BICRA: variants seen among roughly 807,000 people sequenced by gnomAD.
BICRA encodes the protein BRD4 interacting chromatin remodeling complex associated protein, also known as BRD4-interacting chromatin-remodeling complex-associated protein.
In BICRA, 31 loss-of-function variants were observed where a neutral mutation model predicts 96.9. The ratio of observed to expected loss-of-function variants is 0.32; its 90% CI spans 0.24 to 0.43. BICRA has a LOEUF of 0.43. Ranked by LOEUF, BICRA falls within the 20% of genes least tolerant of loss-of-function variation. BICRA has a pLI of 1.00. For missense variants in BICRA, 2,283 were observed against 2,190.3 expected, an observed-to-expected ratio of 1.04 and a Z score of -0.84; for synonymous variants, 1,350 against 1,071.8, an observed-to-expected ratio of 1.26 and a Z score of -5.07.
intron 1 of BICRA, among the ~76,000 whole-genome samples, chr19:47,648,787 C>A (rs1447955688): frequency 6.6e-6 from 1 of 151,380 alleles, no homozygotes; most frequent in African/African-American, 2.4e-5. Context: ...CAAGTGAGCC[C>A]TGGGCTCTCC....
At chr19:47,682,375 G>A (rs971296391) in intron 7 of BICRA, among the ~76,000 whole-genome samples, 1 of 152,210 alleles carries the variant, frequency 6.6e-6, no homozygotes, top group Admixed American at 6.5e-5. Flanking sequence ...AGACACACAC[G>A]GAAGGAAATC....
chr19:47,698,496 A>C lies in BICRA; in HGVS notation c.3249-138A>C. 1 of 636,404 alleles carries C rather than the reference A, an allele frequency of 1.6e-6. No homozygotes were observed. Among genetic ancestry groups the C allele is most frequent in the Non-Finnish European group, 2.8e-6 (1 of 351,938 alleles). 39.4% of individuals were successfully genotyped at this position (636,404 alleles called of 1,614,324 possible). On this transcript the variant is annotated intron_variant, in intron 11 of 14. Transcript: ENST00000594866. This position sits in a 1 kb window ranked among gnomAD's most constrained non-coding sequence, Gnocchi z 4.8. ...GAACAAGCACGTTCAGTACATGGGA[A>C]CACCACTGCCCAAGTATTCCCCTTC...
chr19:47,648,060 G>A (rs555290738), intron 1 of BICRA, among the ~76,000 whole-genome samples: 4 of 151,984 alleles, frequency 2.6e-5, no homozygotes, highest in Non-Finnish European at 5.9e-5. Flanking sequence ...ATCAGTCTTT[G>A]TGGAGCGTCT....
chr19:47,684,519 C>T (rs1309098593), intron 7 of BICRA, among the ~76,000 whole-genome samples: 1 of 152,140 alleles, frequency 6.6e-6, no homozygotes. Flanking sequence ...GGGGTTTCGC[C>T]ATGTTGGCCA....
chr19:47,651,580 A>G (rs1163438022), intron 1 of BICRA, among the ~76,000 whole-genome samples: 1 of 151,568 alleles, frequency 6.6e-6, no homozygotes, highest in African/African-American at 2.4e-5. Flanking sequence ...TGACTTCCTC[A>G]CTCCCAGCAC....
In BICRA at chr19:47,680,553, C is replaced by T. The variant is rs369958368; in HGVS notation, c.1383C>T (p.Pro461=). 6.3e-6 allele frequency: 10 copies of T among 1,585,308 alleles called. No individual in the cohort carries two copies. Among genetic ancestry groups the T allele is most frequent in the African/African-American group, 1.3e-5 (1 of 74,140 alleles). ...ACCAAGGCAGCAGCATCGTCATCCC[C>T]GCCCAGCACATGCTGCCGGGCCAGA... The part of the protein sequence containing the change: ...LLNQGSSIVI[P]AQHMLPGQNQ... The change falls in exon 6 of 15, where the codon CCC becomes CCT. Residue 461 remains proline, a synonymous_variant. Transcript: ENST00000594866.
Position 47,698,901 on chromosome 19 carries a change from C to T in BICRA, c.3398-64C>T. 7.2e-7 allele frequency: 1 copy of T among 1,390,244 alleles called. No individual in the cohort carries two copies. Among genetic ancestry groups the T allele is most frequent in the Non-Finnish European group, 1.0e-6 (1 of 999,248 alleles). 86.1% of individuals were successfully genotyped at this position (1,390,244 alleles called of 1,614,324 possible). ...CGCTATGCTGACCCTGCCCCGCCCT[C>T]CTTCCTGCGCATCCGCGGCCGCCCC... On this transcript the variant is annotated intron_variant, in intron 12 of 14. Coordinates refer to ENST00000594866, the MANE Select transcript of BICRA (RefSeq NM_001394372.1). The surrounding 1 kb of genome is among the most constrained non-coding windows in gnomAD (Gnocchi z 4.8).
chr19:47,616,596 A>G (rs1971987858), intron 1 of BICRA, among the ~76,000 whole-genome samples: 1 of 151,428 alleles, frequency 6.6e-6, no homozygotes. Context: ...CTGAGATCGC[A>G]CGATTGCACT....
intron 1 of BICRA, among the ~76,000 whole-genome samples, chr19:47,634,478 C>T (rs1195578819): frequency 6.6e-6 from 1 of 152,118 alleles, no homozygotes; most frequent in Non-Finnish European, 1.5e-5. Context: ...CTCACTTTCT[C>T]TCCCCCTTGA....
rs536144597 is a variant in BICRA, at chr19:47,660,205, C to T, written c.-107-10238C>T. Among the ~76,000 whole-genome samples, 29 of 151,886 alleles carry T rather than the reference C, an allele frequency of 1.9e-4. 1 individual carries two copies. Among genetic ancestry groups the T allele is most frequent in the African/African-American group, 4.6e-4 (19 of 41,450 alleles). Reference sequence around the variant, plus strand: ...CTAGGGAAGAGCCTAGAGCCTTCTTCGCCTGGTCCAGCCCCCGGAGCTCTA... The same window carrying T: ...CTAGGGAAGAGCCTAGAGCCTTCTTTGCCTGGTCCAGCCCCCGGAGCTCTA... On this transcript the variant is annotated intron_variant, in intron 1 of 14. Transcript: ENST00000594866.
chr19:47,685,790 C>T (rs60180442), intron 7 of BICRA, among the ~76,000 whole-genome samples: 4,829 of 87,984 alleles, frequency 0.055, 121 homozygotes, highest in East Asian at 0.14. Context: ...TGTGTGTGCG[C>T]GCGCGCGCGC....
chr19:47,696,553 TC>T, intron 11 of BICRA, 41 bp downstream of exon 11: 1 of 1,551,958 alleles, frequency 6.4e-7, no homozygotes, highest in Non-Finnish European at 8.7e-7. Context: ...CCCTGTACCT[TC>T]CAGAGACCTG....
rs1450384382 is a variant in BICRA at position 47,680,834 on chromosome 19, T to A, written c.1664T>A (p.Phe555Tyr). 2 of 1,596,606 alleles carry A rather than the reference T, an allele frequency of 1.3e-6. No individual in the cohort carries two copies. Among genetic ancestry groups the A allele is most frequent in the Non-Finnish European group, 1.7e-6 (2 of 1,176,006 alleles). The change falls in exon 6 of 15, where the codon TTC becomes TAC. Residue 555 changes from phenylalanine to tyrosine, a missense_variant. Coordinates refer to ENST00000594866, the MANE Select transcript of BICRA (RefSeq NM_001394372.1). ...APIQVGQPAL[F>Y]QMPVSLAAGS... ...ATCCAGGTGGGCCAGCCTGCGCTCT[T>A]CCAGATGCCCGTGTCGCTGGCGGCG...
At chr19:47,626,185 G>A (rs964922896) in intron 1 of BICRA, 1 of 152,142 alleles carries the variant, frequency 6.6e-6, no homozygotes, top group South Asian at 2.1e-4. Context: ...GCCCCAGCTT[G>A]GTTCTGGTCT....
At chr19:47,654,042 T>A (rs1320137085) in intron 1 of BICRA, among the ~76,000 whole-genome samples, 1 of 152,110 alleles carries the variant, frequency 6.6e-6, no homozygotes, top group African/African-American at 2.4e-5. Flanking sequence ...CTCTCTTGGG[T>A]CTATAAGTAG....
At chr19:47,688,776 G>C (rs868154038) in intron 7 of BICRA, among the ~76,000 whole-genome samples, 5 of 151,546 alleles carry the variant, frequency 3.3e-5, no homozygotes, top group African/African-American at 1.2e-4. Flanking sequence ...CTGGGTGACA[G>C]AGCGAGACTC....
rs774574830 is a variant in BICRA, at chr19:47,701,553, C to T, written c.3821C>T (p.Ser1274Phe). The T allele has an allele frequency of 5.8e-6, 9 of 1,550,996 alleles. No homozygotes were observed. Among genetic ancestry groups the T allele is most frequent in the South Asian group, 1.2e-5 (1 of 84,254 alleles). ...TCCTCCCTGTCCTCCTCTTCCTCCT[C>T]CTCCTCTGCCGCCTCCTCCTTGGAC... is the stretch of plus-strand genomic sequence containing the variant. ...ASSSLSSSSS[S>F]SSAASSLDAD... Residue 1274 changes from serine to phenylalanine, a missense_variant, in exon 15 of 15, where the codon TCC becomes TTC. By Grantham distance (155) the Ser-to-Phe change is radical. Transcript: ENST00000594866. The surrounding 1 kb of genome is among the most constrained non-coding windows in gnomAD (Gnocchi z 5.4).
Position 47,701,282 on chromosome 19 carries a change from G to C in BICRA, c.3596-46G>C. Reference sequence around the variant, plus strand: ...ACAGCTCCTCCCAGCTCGGTCGGGGGGTCCTCATCCTAACCCCGCGGGTTT... The same window carrying C: ...ACAGCTCCTCCCAGCTCGGTCGGGGCGTCCTCATCCTAACCCCGCGGGTTT... On this transcript the variant is annotated intron_variant, in intron 14 of 14. Coordinates refer to ENST00000594866, the MANE Select transcript of BICRA (RefSeq NM_001394372.1). The surrounding 1 kb of genome is among the most constrained non-coding windows in gnomAD (Gnocchi z 5.4). 2.9e-6 allele frequency: 4 copies of C among 1,402,434 alleles called. No individual in the cohort carries two copies. The highest frequency in any genetic ancestry group is 1.7e-5 in the Admixed American group (1 of 57,736). The allele number at this position is 1,402,434 out of a possible 1,614,324, so 86.9% of individuals were successfully genotyped here.
rs151059262 is a variant in BICRA, at chr19:47,631,292, A to G, written c.-108+22124A>G. Among the ~76,000 whole-genome samples the G allele has an allele frequency of 7.0e-3, 1,060 of 152,210 alleles. 21 individuals carry two copies. The highest frequency in any genetic ancestry group is 0.024 in the African/African-American group (991 of 41,520). On this transcript the variant is annotated intron_variant, in intron 1 of 14. Coordinates refer to ENST00000594866, the MANE Select transcript of BICRA (RefSeq NM_001394372.1). ...ACCCAGGCTGGAGTGCAGTGGCGCA[A>G]TCTTGGCTCACTGCAACCTCCGCCT... is the stretch of plus-strand genomic sequence containing the variant.
Sources: allele counts gnomAD v4.1 joint callset (sites outside exome capture counted in the v4.1 genomes callset), GRCh38; gene constraint gnomAD v4.1.1; non-coding constraint Gnocchi (gnomAD v3.1); transcripts MANE v1.5; gene names NCBI Gene and HGNC (gene_info 2026-07-23, HGNC 2026-07-21).